Variants in PHACTR1 observed in about 807,000 individuals in gnomAD.
The protein encoded by PHACTR1 is RPEL repeat containing 1.
Under a neutral mutation model 69.2 loss-of-function variants are expected in PHACTR1, and 16 were observed. The ratio of observed to expected loss-of-function variants is 0.23; its 90% CI spans 0.16 to 0.35. The LOEUF (loss-of-function observed/expected upper bound fraction) is 0.35. PHACTR1 is among the 10% of genes least tolerant of loss of function. PHACTR1 has a pLI of 1.00. For missense variants in PHACTR1, 510 were observed against 734.7 expected (o/e 0.69, Z 3.54); for synonymous variants, 312 against 284.5 (o/e 1.10, Z -0.97).
intron 5 of PHACTR1, among the ~76,000 whole-genome samples, chr6:13,104,629 C>A (rs186559620): frequency 2.0e-5 from 3 of 152,214 alleles, no homozygotes; most frequent in Admixed American, 2.0e-4. Context: ...TTAATTGATA[C>A]AGCCTTTCAT....
intron 3 of PHACTR1, among the ~76,000 whole-genome samples, chr6:12,720,577 G>A (rs1447037321): frequency 6.6e-6 from 1 of 152,178 alleles, no homozygotes; most frequent in Non-Finnish European, 1.5e-5. Context: ...TGCATGGGAG[G>A]TGGCAGCATA....
Position 13,011,863 on chromosome 6 carries a change from A to T in PHACTR1, c.251-41502A>T, listed in dbSNP as rs1357514468. Among the ~76,000 whole-genome samples the T allele has an allele frequency of 2.0e-5, 3 of 152,244 alleles. No individual in the cohort carries two copies. In the East Asian group the frequency reaches 5.8e-4, roughly 29 times the overall value. On this transcript the variant is annotated intron_variant, in intron 4 of 14. Transcript: ENST00000332995. ...ATAACAAATGTTTGCTCAGAACACA[A>T]TGCAGTAAATTCCCTGGTGCACTCA... is the stretch of plus-strand genomic sequence containing the variant.
At chr6:12,808,086 C>G (rs943745050) in intron 4 of PHACTR1, among the ~76,000 whole-genome samples, 2 of 152,130 alleles carry the variant, frequency 1.3e-5, no homozygotes, top group African/African-American at 4.8e-5. Context: ...AAGCAGGTAA[C>G]TTTTCCATTA....
chr6:13,254,725 C>T (rs1363714687), intron 10 of PHACTR1, among the ~76,000 whole-genome samples: 1 of 152,238 alleles, frequency 6.6e-6, no homozygotes, highest in South Asian at 2.1e-4. Context: ...CAACACAGAG[C>T]TCCAGGCTGC....
chr6:13,105,899 G>C (rs1816049359), intron 5 of PHACTR1, among the ~76,000 whole-genome samples: 2 of 152,130 alleles, frequency 1.3e-5, no homozygotes, highest in Non-Finnish European at 2.9e-5. Flanking sequence ...AACAGGGAGT[G>C]GGCTGATATA....
intron 4 of PHACTR1, among the ~76,000 whole-genome samples, chr6:12,833,844 C>T (rs1289556808): frequency 6.6e-6 from 1 of 152,080 alleles, no homozygotes; most frequent in African/African-American, 2.4e-5. Flanking sequence ...TGGGCTGGCC[C>T]AGCCTCCCTC....
chr6:12,837,216 T>G (rs1341130340), intron 4 of PHACTR1, among the ~76,000 whole-genome samples: 1 of 152,204 alleles, frequency 6.6e-6, no homozygotes. Context: ...GATAAAAAAT[T>G]ACAAATACCA....
At position 13,147,570 on chromosome 6, in the gene PHACTR1, A is replaced by C. The variant is rs117035095; in HGVS notation, c.416-12634A>C. On this transcript the variant is annotated intron_variant, in intron 5 of 14. Coordinates refer to ENST00000332995, the MANE Select transcript of PHACTR1 (RefSeq NM_030948.6). ...GAAAGAGACTAAGCAAGTGTTTGTT[A>C]AGAGCAACCTTCTGCACTCTTGTCT... Among the ~76,000 whole-genome samples the C allele has an allele frequency of 2.2e-4, 34 of 152,348 alleles. No individual in the cohort carries two copies. The East Asian group carries it at 6.6e-3, about 29-fold the overall frequency.
At chr6:12,776,111 G>A (rs1366529591) in intron 4 of PHACTR1, among the ~76,000 whole-genome samples, 2 of 152,112 alleles carry the variant, frequency 1.3e-5, no homozygotes, top group Non-Finnish European at 2.9e-5. Context: ...TCTTTAAAAC[G>A]CATATAATAT....
At chr6:12,758,095 A>G (rs1767567244) in intron 4 of PHACTR1, among the ~76,000 whole-genome samples, 1 of 151,332 alleles carries the variant, frequency 6.6e-6, no homozygotes, top group African/African-American at 2.4e-5. Flanking sequence ...CTGGGAGACA[A>G]AGTGAAACTC....
At chr6:12,860,318 G>T (rs1469287648) in intron 4 of PHACTR1, among the ~76,000 whole-genome samples, 1 of 152,116 alleles carries the variant, frequency 6.6e-6, no homozygotes, top group Non-Finnish European at 1.5e-5. Context: ...TCCGTGCAAA[G>T]GACATGAACT....
intron 4 of PHACTR1, among the ~76,000 whole-genome samples, chr6:12,763,293 T>G (rs1487511460): frequency 2.6e-5 from 4 of 152,138 alleles, no homozygotes; most frequent in African/African-American, 9.7e-5. Context: ...GTATTAAGTC[T>G]AAGACCAAGT....
At chr6:13,078,316 C>A (rs1561797770) in intron 5 of PHACTR1, among the ~76,000 whole-genome samples, 1 of 152,164 alleles carries the variant, frequency 6.6e-6, no homozygotes, top group Non-Finnish European at 1.5e-5. Flanking sequence ...GTGTGCCTGT[C>A]TGTCTCCAAA....
In PHACTR1 at chr6:13,287,795, G is replaced by GAA. The variant is rs755836225; in HGVS notation, c.*719_*720dup. The GAA allele has an allele frequency of 1.3e-5, 2 of 153,350 alleles. No homozygotes were observed. The highest frequency in any genetic ancestry group is 2.4e-5 in the African/African-American group (1 of 41,472). The allele number at this position is 153,350 out of a possible 1,614,324, so 9.5% of individuals were successfully genotyped here. On this transcript the variant is annotated 3_prime_UTR_variant, in exon 15 of 15. Coordinates refer to ENST00000332995, the MANE Select transcript of PHACTR1 (RefSeq NM_030948.6). ...TTCAGGAAGCTCTGGTTTAGAAGGG[G>GAA]AAAGATGTCATATGCTCAGTTCAAA... is the stretch of plus-strand genomic sequence containing the variant.
Position 13,193,165 on chromosome 6 carries a change from G to A in PHACTR1, c.664+10479G>A, listed in dbSNP as rs1027838801. 2.6e-5 allele frequency among the ~76,000 whole-genome samples: 4 copies of A among 151,032 alleles called. No individual in the cohort carries two copies. The South Asian group carries it at 8.4e-4, about 32-fold the overall frequency. Reference sequence around the variant, plus strand: ...ACACCAACTACAGACAGTTAGACCAGCCATTAACATCATTGTAAATGCAAA... The same window carrying A: ...ACACCAACTACAGACAGTTAGACCAACCATTAACATCATTGTAAATGCAAA... On this transcript the variant is annotated intron_variant, in intron 7 of 14. Coordinates refer to ENST00000332995, the MANE Select transcript of PHACTR1 (RefSeq NM_030948.6).
At chr6:12,762,901 C>T (rs1768183819) in intron 4 of PHACTR1, among the ~76,000 whole-genome samples, 1 of 152,180 alleles carries the variant, frequency 6.6e-6, no homozygotes, top group African/African-American at 2.4e-5. Context: ...AGTCAAACCA[C>T]GTCACGACTT....
At chr6:12,739,296 T>C (rs1214825236) in intron 3 of PHACTR1, among the ~76,000 whole-genome samples, 1 of 151,842 alleles carries the variant, frequency 6.6e-6, no homozygotes, top group Non-Finnish European at 1.5e-5. Flanking sequence ...TTATCAGAAA[T>C]AGACAGGATG....
At chr6:12,862,023 A>G (rs886742893) in intron 4 of PHACTR1, among the ~76,000 whole-genome samples, 22 of 152,184 alleles carry the variant, frequency 1.4e-4, no homozygotes, top group South Asian at 6.2e-4. Flanking sequence ...CCAATAATTT[A>G]TATGTTAGTG....
At chr6:13,088,063 C>A (rs1293580133) in intron 5 of PHACTR1, among the ~76,000 whole-genome samples, 1 of 152,028 alleles carries the variant, frequency 6.6e-6, no homozygotes, top group East Asian at 1.9e-4. Flanking sequence ...TTCATCCTTA[C>A]CCCCTCTATT....
Sources: gnomAD v4.1 joint callset for allele counts (sites outside exome capture counted in the v4.1 genomes callset) on GRCh38, gnomAD v4.1.1 for gene constraint, MANE v1.5 for transcripts, NCBI Gene and HGNC (gene_info 2026-07-23, HGNC 2026-07-21) for gene names.